The following SUGCT variants were observed in gnomAD, a reference collection of about 807,000 sequenced individuals.
SUGCT encodes the protein succinyl-CoA:glutarate-CoA transferase, also known as succinyl-CoA:glutarate CoA-transferase.
Under a neutral mutation model 55.0 loss-of-function variants are expected in SUGCT, and 41 were observed. The observed-to-expected ratio is 0.74, with a 90% CI of 0.58 to 0.97. SUGCT has a LOEUF of 0.97. Among genes scored for constraint, SUGCT ranks in the 50% least tolerant of loss-of-function variants. The probability of loss-of-function intolerance (pLI) is 0.00; values close to 1 mark genes in which losing one functional copy is unlikely to be tolerated. For synonymous variants in SUGCT, 187 were observed against 200.4 expected, an observed-to-expected ratio of 0.93 and a Z score of 0.56; for missense variants, 568 against 547.8, an observed-to-expected ratio of 1.04 and a Z score of -0.37.
At chr7:40,941,419 T>G in the SUGCT span, among the ~76,000 whole-genome samples, 1 of 152,100 alleles carries the variant, frequency 6.6e-6, no homozygotes, top group African/African-American at 2.4e-5. Context: ...CTAGTTTTAT[T>G]CCACTGTGGT....
chr7:40,153,214 A>G, intron 1 of SUGCT: 1 of 381,392 alleles, frequency 2.6e-6, no homozygotes, highest in Non-Finnish European at 5.0e-6. Context: ...AGATAGCAAC[A>G]TTAGTAGGTG....
chr7:40,341,454 G>A (rs1363727408), intron 9 of SUGCT, among the ~76,000 whole-genome samples: 2 of 152,172 alleles, frequency 1.3e-5, no homozygotes, highest in Non-Finnish European at 2.9e-5. Flanking sequence ...TGCTGTTGAG[G>A]GAGATGTGTA....
At chr7:40,969,231 A>C in the SUGCT span, among the ~76,000 whole-genome samples, 3 of 152,146 alleles carry the variant, frequency 2.0e-5, no homozygotes, top group African/African-American at 7.2e-5. Flanking sequence ...GACCTTTCAA[A>C]CCCTTTCTGG....
intron 9 of SUGCT, among the ~76,000 whole-genome samples, chr7:40,338,162 C>G (rs958026652): frequency 2.6e-5 from 4 of 152,172 alleles, no homozygotes; most frequent in African/African-American, 9.7e-5. Context: ...CCCAACCTTT[C>G]TCTCTGGCTG....
At chr7:40,207,630 A>G (rs959123979) in intron 6 of SUGCT, among the ~76,000 whole-genome samples, 5 of 152,126 alleles carry the variant, frequency 3.3e-5, no homozygotes, top group Non-Finnish European at 4.4e-5. Context: ...CAGCCTGGAC[A>G]ACATGGTGAA....
the SUGCT span, among the ~76,000 whole-genome samples, chr7:40,893,502 C>T: frequency 2.6e-5 from 4 of 152,050 alleles, no homozygotes; most frequent in East Asian, 3.9e-4. Context: ...TTTCTGACCA[C>T]GATTGTATCA....
At chr7:40,219,459 A>G (rs1787898323) in intron 6 of SUGCT, among the ~76,000 whole-genome samples, 1 of 152,242 alleles carries the variant, frequency 6.6e-6, no homozygotes, top group African/African-American at 2.4e-5. Context: ...TTGTAGTAAT[A>G]ACATTTTTAT....
intron 9 of SUGCT, among the ~76,000 whole-genome samples, chr7:40,329,967 CT>C (rs1175804279): frequency 6.6e-6 from 1 of 152,158 alleles, no homozygotes; most frequent in East Asian, 1.9e-4. Flanking sequence ...ATTGGCACTC[CT>C]GCCTACTGTC....
chr7:40,898,055 C>T, the SUGCT span, among the ~76,000 whole-genome samples: 1 of 152,168 alleles, frequency 6.6e-6, no homozygotes, highest in Non-Finnish European at 1.5e-5. Flanking sequence ...CTTGATGCTG[C>T]TTATTCCTTG....
the SUGCT span, among the ~76,000 whole-genome samples, chr7:40,964,164 T>G: frequency 1.3e-5 from 2 of 152,222 alleles, no homozygotes; most frequent in African/African-American, 2.4e-5. Flanking sequence ...CAATGAATCA[T>G]TCATAAATTA....
At position 40,749,473 on chromosome 7, in the gene SUGCT, A is replaced by T. The variant is rs749076916; in HGVS notation, c.1129A>T (p.Thr377Ser). 13 of 1,613,652 alleles carry T rather than the reference A, an allele frequency of 8.1e-6. No individual in the cohort carries two copies. Among genetic ancestry groups the T allele is most frequent in the Non-Finnish European group, 1.7e-6 (2 of 1,179,734 alleles). The change falls in exon 13 of 14, where the codon ACT (threonine) becomes TCT (serine). Residue 377 changes from threonine to serine, a missense_variant. Transcript: ENST00000335693. The part of the protein sequence containing the change: ...NGLVMEMEHP[T>S]VGKISVPGPA... ...CCTCGTTATGGAGATGGAGCATCCA[A>T]CTGTGGGGAAGATTTCCGTCCCAGG...
chr7:40,203,956 A>G (rs1331414691), intron 6 of SUGCT, among the ~76,000 whole-genome samples: 1 of 152,094 alleles, frequency 6.6e-6, no homozygotes, highest in African/African-American at 2.4e-5. Context: ...TTGAATTGTT[A>G]CTGGGTATAA....
chr7:40,464,285 A>C lies in SUGCT; in HGVS notation c.986+5087A>C, dbSNP rs570642984. 6.6e-5 allele frequency among the ~76,000 whole-genome samples: 10 copies of C among 152,306 alleles called. No individual in the cohort carries two copies. The South Asian group carries it at 2.1e-3, about 32-fold the overall frequency. On this transcript the variant is annotated intron_variant, in intron 11 of 13. Transcript: ENST00000335693. ...GGGCTTTTAAGGAGCTCATGGTCTA[A>C]TTAGGAAAATAAACACAGAAAGCAT...
At chr7:40,616,345 A>G (rs1799000563) in intron 12 of SUGCT, among the ~76,000 whole-genome samples, 1 of 152,072 alleles carries the variant, frequency 6.6e-6, no homozygotes, top group African/African-American at 2.4e-5. Context: ...ACAGTTGTGA[A>G]CCACCACGCC....
chr7:40,491,280 T>C (rs1432791580), intron 11 of SUGCT, among the ~76,000 whole-genome samples: 1 of 152,180 alleles, frequency 6.6e-6, no homozygotes, highest in African/African-American at 2.4e-5. Flanking sequence ...CAGATATTGC[T>C]ATAGTCTGGG....
At chr7:40,524,385 T>A (rs1793702877) in intron 12 of SUGCT, among the ~76,000 whole-genome samples, 1 of 152,140 alleles carries the variant, frequency 6.6e-6, no homozygotes, top group African/African-American at 2.4e-5. Context: ...GGACCTACTT[T>A]TAGTCCTAAG....
At chr7:40,762,861 G>T (rs910056159) in intron 13 of SUGCT, among the ~76,000 whole-genome samples, 1 of 151,244 alleles carries the variant, frequency 6.6e-6, no homozygotes, top group Non-Finnish European at 1.5e-5. Flanking sequence ...AGGCTGGAGT[G>T]CAGTGCACTG....
intron 1 of SUGCT, among the ~76,000 whole-genome samples, chr7:40,160,862 A>T (rs1784109013): frequency 6.6e-6 from 1 of 152,152 alleles, no homozygotes; most frequent in East Asian, 1.9e-4. Flanking sequence ...AACCCAGGAG[A>T]TTATGTTTAG....
At chr7:40,347,849 G>A (rs1468771554) in intron 9 of SUGCT, among the ~76,000 whole-genome samples, 3 of 152,118 alleles carry the variant, frequency 2.0e-5, no homozygotes, top group East Asian at 1.9e-4. Context: ...ATGATATTTC[G>A]TTGTTCTAGT....
Sources: gnomAD v4.1 joint callset for allele counts (sites outside exome capture counted in the v4.1 genomes callset) on GRCh38, gnomAD v4.1.1 for gene constraint, MANE v1.5 for transcripts, NCBI Gene and HGNC (gene_info 2026-07-23, HGNC 2026-07-21) for gene names.